HIP1: variants seen among roughly 807,000 people sequenced by gnomAD.
HIP1 encodes huntingtin-interacting protein 1.
In HIP1, 65 loss-of-function variants were observed where a neutral mutation model predicts 147.6. That is an observed-to-expected ratio of 0.44 (90% CI 0.36 to 0.54). The LOEUF (loss-of-function observed/expected upper bound fraction) is 0.54, where lower values mean the gene tolerates loss of function less well. Ranked by LOEUF, HIP1 falls within the 20% of genes least tolerant of loss-of-function variation. The pLI is 0.00. For synonymous variants in HIP1, 479 were observed against 504.0 expected, an observed-to-expected ratio of 0.95 and a Z score of 0.67; for missense variants, 1,061 against 1,299.6, an observed-to-expected ratio of 0.82 and a Z score of 2.82.
At chr7:75,656,131 A>G (rs999155799) in intron 1 of HIP1, among the ~76,000 whole-genome samples, 17 of 152,238 alleles carry the variant, frequency 1.1e-4, no homozygotes, top group African/African-American at 3.9e-4. Context: ...AAGAAAAAAA[A>G]TAAAAATAAA....
intron 1 of HIP1, among the ~76,000 whole-genome samples, chr7:75,627,945 G>A (rs1554508239): frequency 1.3e-5 from 2 of 152,174 alleles, no homozygotes; most frequent in African/African-American, 4.8e-5. Flanking sequence ...ATTTCAGCCA[G>A]ACTGTAAGCC....
chr7:75,666,004 T>G (rs1799548989), intron 1 of HIP1, among the ~76,000 whole-genome samples: 1 of 152,110 alleles, frequency 6.6e-6, no homozygotes, highest in Non-Finnish European at 1.5e-5. Flanking sequence ...TCTATGTTAC[T>G]CAGCGAAATA....
At chr7:75,708,279 A>G (rs1554519886) in intron 1 of HIP1, among the ~76,000 whole-genome samples, 1 of 151,946 alleles carries the variant, frequency 6.6e-6, no homozygotes. Context: ...ATATACAAAT[A>G]TTTTCTTCCA....
intron 1 of HIP1, among the ~76,000 whole-genome samples, chr7:75,687,173 C>T (rs1198488178): frequency 1.3e-5 from 2 of 152,138 alleles, no homozygotes; most frequent in African/African-American, 4.8e-5. Context: ...GAACTTGGGT[C>T]GAATCCTCGA....
chr7:75,556,923 G>GT (rs1215817516), intron 16 of HIP1, 112 bp from the exon 17 acceptor site: 1 of 669,568 alleles, frequency 1.5e-6, no homozygotes, highest in African/African-American at 1.8e-5. Context: ...TCTACTGTAT[G>GT]TAAGTTACAC....
At chr7:75,595,185 GTCCT>G (rs1339602251) in intron 2 of HIP1, among the ~76,000 whole-genome samples, 3 of 143,560 alleles carry the variant, frequency 2.1e-5, no homozygotes, top group Non-Finnish European at 4.7e-5. Flanking sequence ...TGGTGTAGGA[GTCCT>G]TTCTTTCTTT....
intron 1 of HIP1, among the ~76,000 whole-genome samples, chr7:75,685,247 T>C (rs1373061584): frequency 6.9e-6 from 1 of 144,760 alleles, no homozygotes; most frequent in African/African-American, 2.5e-5. Context: ...ACCCCGTTTC[T>C]ACCAAAAAAA....
At chr7:75,670,185 T>C (rs1303094962) in intron 1 of HIP1, among the ~76,000 whole-genome samples, 1 of 152,138 alleles carries the variant, frequency 6.6e-6, no homozygotes, top group African/African-American at 2.4e-5. Flanking sequence ...TCTCACTCTG[T>C]TGCCTAGGCT....
intron 2 of HIP1, 73 bp downstream of exon 2, chr7:75,599,111 C>T (rs1204463086): frequency 1.7e-6 from 2 of 1,155,580 alleles, no homozygotes; most frequent in Non-Finnish European, 2.6e-6. Context: ...GCAAGGCAGC[C>T]TGGCCCTGAC....
chr7:75,554,333 A>G (rs1794909916), intron 20 of HIP1, 107 bp downstream of exon 20: 2 of 1,280,616 alleles, frequency 1.6e-6, no homozygotes, highest in East Asian at 4.7e-5. Flanking sequence ...AGTTGCCTAC[A>G]TGCCTTTCTT....
intron 1 of HIP1, among the ~76,000 whole-genome samples, chr7:75,616,356 A>G (rs1371839718): frequency 6.6e-6 from 1 of 151,890 alleles, no homozygotes; most frequent in Non-Finnish European, 1.5e-5. Context: ...TACAGCCTTG[A>G]ACTCCTGGGT....
Position 75,616,148 on chromosome 7 carries a change from G to A in HIP1, c.121-16901C>T, listed in dbSNP as rs145566098. Among the ~76,000 whole-genome samples, 409 of 146,404 alleles carry A rather than the reference G, an allele frequency of 2.8e-3. 3 individuals are homozygous for A. The highest frequency in any genetic ancestry group is 1.0e-2 in the African/African-American group (393 of 39,492). ...AAAAGAAAACAAAAACAAAAACAAAGTATCTCGTAACATCGTCCTAGACAA... is the reference window on the plus strand; with the variant it reads ...AAAAGAAAACAAAAACAAAAACAAAATATCTCGTAACATCGTCCTAGACAA... On this transcript the variant is annotated intron_variant, in intron 1 of 30. Transcript: ENST00000336926.
intron 1 of HIP1, among the ~76,000 whole-genome samples, chr7:75,720,829 G>A (rs1219007743): frequency 2.7e-5 from 4 of 150,702 alleles, no homozygotes; most frequent in Non-Finnish European, 5.9e-5. Flanking sequence ...ACCTGAGGTC[G>A]GGAGTTCAAA....
At position 75,533,671 on chromosome 7, in the gene HIP1, G is replaced by T. The variant is rs1295328341; in HGVS notation, c.*4501C>A. On this transcript the variant is annotated 3_prime_UTR_variant, in exon 31 of 31. Coordinates refer to ENST00000336926, the MANE Select transcript of HIP1 (RefSeq NM_005338.7). ...GCCTTCAAACCTGAGGTAGTTGAGGGTCACCTGAAAGACATGTCTGGAAAA... is the reference window on the plus strand; with the variant it reads ...GCCTTCAAACCTGAGGTAGTTGAGGTTCACCTGAAAGACATGTCTGGAAAA... The T allele has an allele frequency of 4.3e-6, 1 of 232,592 alleles. No homozygotes were observed. Among genetic ancestry groups the T allele is most frequent in the Non-Finnish European group, 8.5e-6 (1 of 117,716 alleles). The allele number at this position is 232,592 out of a possible 1,614,324, so 14.4% of individuals were successfully genotyped here. A position where few individuals can be genotyped will look rare whatever the true frequency, so the allele number is the denominator to read the frequency against.
chr7:75,647,475 A>G (rs1312281373), intron 1 of HIP1, among the ~76,000 whole-genome samples: 1 of 152,202 alleles, frequency 6.6e-6, no homozygotes, highest in Non-Finnish European at 1.5e-5. Context: ...CTGTGAATCT[A>G]GGAGTCTGGT....
intron 1 of HIP1, among the ~76,000 whole-genome samples, chr7:75,693,690 C>T (rs560496333): frequency 7.0e-6 from 1 of 142,734 alleles, no homozygotes; most frequent in Non-Finnish European, 1.5e-5. Context: ...GCCTGGGCAA[C>T]GTGGCAAAAC....
intron 1 of HIP1, among the ~76,000 whole-genome samples, chr7:75,650,057 C>T (rs1798922422): frequency 6.6e-6 from 1 of 152,124 alleles, no homozygotes; most frequent in Non-Finnish European, 1.5e-5. Context: ...AACCATTCTG[C>T]AAGATAGACC....
At chr7:75,540,634 G>A (rs1218805011) in intron 29 of HIP1, among the ~76,000 whole-genome samples, 1 of 151,904 alleles carries the variant, frequency 6.6e-6, no homozygotes, top group Non-Finnish European at 1.5e-5. Flanking sequence ...AAAATGCTGA[G>A]TGACACATCT....
At chr7:75,551,540 G>T (rs910293874) in intron 22 of HIP1, among the ~76,000 whole-genome samples, 2 of 150,528 alleles carry the variant, frequency 1.3e-5, no homozygotes, top group African/African-American at 2.4e-5. Flanking sequence ...TTTCTTTTTA[G>T]AGACAGGGTC....
Sources: gnomAD v4.1 joint callset for allele counts (sites outside exome capture counted in the v4.1 genomes callset) on GRCh38, gnomAD v4.1.1 for gene constraint, MANE v1.5 for transcripts, NCBI Gene and HGNC (gene_info 2026-07-23, HGNC 2026-07-21) for gene names.